Variants in MYO1E observed in about 807,000 individuals in gnomAD.
MYO1E encodes the protein unconventional myosin-Ie.
MYO1E carries 68 observed loss-of-function variants against 151.1 expected under a neutral mutation model. The ratio of observed to expected loss-of-function variants is 0.45; its 90% CI spans 0.37 to 0.55. The LOEUF (loss-of-function observed/expected upper bound fraction) is 0.55, where lower values mean the gene tolerates loss of function less well. MYO1E is among the 20% of genes least tolerant of loss of function. The probability of loss-of-function intolerance (pLI) is 0.00; values close to 1 mark genes in which losing one functional copy is unlikely to be tolerated. For missense variants in MYO1E, 1,363 were observed against 1,389.3 expected (o/e 0.98, Z 0.30); for synonymous variants, 601 against 501.7 (o/e 1.20, Z -2.64).
Position 59,173,827 on chromosome 15 carries a change from G to A in MYO1E, c.2253C>T (p.His751=), listed in dbSNP as rs752276663. The A allele has an allele frequency of 6.2e-7, 1 of 1,614,014 alleles. No individual in the cohort carries two copies. The highest frequency in any genetic ancestry group is 1.6e-4 in the Middle Eastern group (1 of 6,062). The change falls in exon 21 of 28, where the codon CAC becomes CAT. Residue 751 remains histidine, a synonymous_variant. Transcript: ENST00000288235. ...FIGDYIGMEE[H]PELQQFVGKR... ...TGCCCACGAACTGCTGGAGTTCTGG[G>A]TGCTCTTCCATCCCAATATAATCCC...
intron 22 of MYO1E, chr15:59,171,173 A>G (rs745414682): frequency 3.2e-5 from 5 of 156,010 alleles, no homozygotes; most frequent in Non-Finnish European, 4.4e-5. Context: ...AGGACTTAGC[A>G]TGGGAGGACT....
chr15:59,370,451 G>C (rs1415593015), intron 1 of MYO1E, among the ~76,000 whole-genome samples: 2 of 152,224 alleles, frequency 1.3e-5, no homozygotes, highest in African/African-American at 4.8e-5. Context: ...TCCTGTTTCA[G>C]GACAGCCAGC....
chr15:59,190,155 T>TGCTGCGCGAGCTG (rs1319469185), intron 17 of MYO1E, among the ~76,000 whole-genome samples: 39 of 152,378 alleles, frequency 2.6e-4, no homozygotes, highest in African/African-American at 8.4e-4. Context: ...CTGGGCTGCG[T>TGCTGCGCGAGCTG]GCTGCGCGAG....
intron 1 of MYO1E, among the ~76,000 whole-genome samples, chr15:59,312,745 C>T (rs1180469879): frequency 6.6e-6 from 1 of 152,076 alleles, no homozygotes; most frequent in Non-Finnish European, 1.5e-5. Flanking sequence ...CTTGGCTGGG[C>T]GCAGTGGCTC....
Position 59,227,495 on chromosome 15 carries a change from C to T in MYO1E, c.606G>A (p.Arg202=), listed in dbSNP as rs2079999158. The T allele has an allele frequency of 1.2e-6, 2 of 1,614,042 alleles. No individual in the cohort carries two copies. Among genetic ancestry groups the T allele is most frequent in the African/African-American group, 2.7e-5 (2 of 74,914 alleles). The change falls in exon 7 of 28, where the codon AGG becomes AGA. Residue 202 remains arginine, a synonymous_variant. Transcript: ENST00000288235. The stretch of plus-strand genomic sequence containing the variant: ...TGTGAAAACTCCGCTCTCCTGGGTT[C>T]CTCATCACCACCCTAGATTTTTCCA... The part of the protein sequence containing the change: ...FLLEKSRVVM[R]NPGERSFHIF...
At chr15:59,202,148 G>C (rs1361602497) in intron 16 of MYO1E, among the ~76,000 whole-genome samples, 178 bp downstream of exon 16, 3 of 152,178 alleles carry the variant, frequency 2.0e-5, no homozygotes, top group African/African-American at 7.2e-5. Flanking sequence ...GTACAGCCAA[G>C]TCAAATTCAG....
chr15:59,139,178 T>C (rs1415079572), intron 26 of MYO1E, among the ~76,000 whole-genome samples: 2 of 151,956 alleles, frequency 1.3e-5, no homozygotes, highest in Non-Finnish European at 2.9e-5. Context: ...CCACCCTCAT[T>C]ACTCCAGAGA....
At chr15:59,345,047 A>T (rs1483565696) in intron 1 of MYO1E, among the ~76,000 whole-genome samples, 1 of 152,194 alleles carries the variant, frequency 6.6e-6, no homozygotes, top group Non-Finnish European at 1.5e-5. Context: ...ACTTTTTATG[A>T]AGAAAAAACA....
rs759556786 is a variant in MYO1E at position 59,178,388 on chromosome 15, C to A, written c.2049+5G>T. ...AAGAGAGTGGAGAGCCAGCCAAGCA[C>A]TCACAGACTCGGGGGCTTTGATGAA... On this transcript the variant is annotated splice_donor_5th_base_variant and intron_variant, in intron 19 of 27. Transcript: ENST00000288235. The A allele has an allele frequency of 6.2e-7, 1 of 1,614,192 alleles. No individual in the cohort carries two copies. The highest frequency in any genetic ancestry group is 8.5e-7 in the Non-Finnish European group (1 of 1,180,004).
At chr15:59,289,920 G>T (rs2080408962) in intron 1 of MYO1E, among the ~76,000 whole-genome samples, 1 of 152,212 alleles carries the variant, frequency 6.6e-6, no homozygotes, top group Admixed American at 6.5e-5. Context: ...CATTGTATCT[G>T]TGAAATATAA....
chr15:59,306,706 A>C (rs1160671930), intron 1 of MYO1E, among the ~76,000 whole-genome samples: 1 of 152,232 alleles, frequency 6.6e-6, no homozygotes, highest in Non-Finnish European at 1.5e-5. Context: ...TAGGTTTGCA[A>C]AACCATTTGC....
intron 1 of MYO1E, among the ~76,000 whole-genome samples, chr15:59,276,911 G>A (rs1192916828): frequency 1.3e-5 from 2 of 152,288 alleles, no homozygotes; most frequent in African/African-American, 4.8e-5. Context: ...CCCCAGGGTA[G>A]GCCTGGCCCC....
At chr15:59,237,104 T>TG (rs1212039495) in intron 4 of MYO1E, among the ~76,000 whole-genome samples, 1 of 152,138 alleles carries the variant, frequency 6.6e-6, no homozygotes, top group African/African-American at 2.4e-5. Flanking sequence ...TACAATTTTT[T>TG]TTTCTTAAAA....
chr15:59,222,369 G>A (rs2079961286), intron 9 of MYO1E, among the ~76,000 whole-genome samples: 1 of 152,224 alleles, frequency 6.6e-6, no homozygotes, highest in African/African-American at 2.4e-5. Flanking sequence ...CTAAAGTCAT[G>A]TGCCGCTGTA....
chr15:59,360,885 G>A (rs2080881211), intron 1 of MYO1E, among the ~76,000 whole-genome samples: 2 of 152,208 alleles, frequency 1.3e-5, no homozygotes, highest in Non-Finnish European at 2.9e-5. Context: ...AAAAGGTTGA[G>A]GGTAGGGAAC....
intron 5 of MYO1E, among the ~76,000 whole-genome samples, chr15:59,234,514 A>T (rs545283671): frequency 6.6e-6 from 1 of 152,314 alleles, no homozygotes; most frequent in Admixed American, 6.5e-5. Flanking sequence ...TACATGATAG[A>T]ACACTATTTA....
intron 1 of MYO1E, among the ~76,000 whole-genome samples, chr15:59,372,271 G>C (rs1210199484): frequency 7.2e-5 from 11 of 152,166 alleles, no homozygotes; most frequent in African/African-American, 2.7e-4. Flanking sequence ...AAAGTTTCGC[G>C]ACGCAGAAAC....
At position 59,162,690 on chromosome 15, in the gene MYO1E, C is replaced by T. The variant is rs114728135; in HGVS notation, c.2627+467G>A. 9.6e-3 allele frequency among the ~76,000 whole-genome samples: 1,452 copies of T among 150,958 alleles called. 30 individuals are homozygous for T. Among genetic ancestry groups the T allele is most frequent in the African/African-American group, 0.033 (1,375 of 41,150 alleles). ...AAAAAAAAAAGAAAGAAAGGTGAAC[C>T]ACCTACACAATACGTTGGCCACCTA... On this transcript the variant is annotated intron_variant, in intron 23 of 27. Transcript: ENST00000288235.
chr15:59,226,749 G>A (rs1388216410), intron 7 of MYO1E, among the ~76,000 whole-genome samples: 1 of 152,236 alleles, frequency 6.6e-6, no homozygotes, highest in Non-Finnish European at 1.5e-5. Context: ...AGAGGTTGCA[G>A]TGAGCCAAGA....
Sources: allele counts gnomAD v4.1 joint callset (sites outside exome capture counted in the v4.1 genomes callset), GRCh38; gene constraint gnomAD v4.1.1; transcripts MANE v1.5; gene names NCBI Gene and HGNC (gene_info 2026-07-23, HGNC 2026-07-21).